Variants in ZNF385D observed in about 807,000 individuals in gnomAD.
ZNF385D encodes the protein zinc finger protein 659.
A neutral mutation model predicts 35.8 loss-of-function variants in ZNF385D; 15 were observed. The ratio of observed to expected loss-of-function variants is 0.42; its 90% confidence interval spans 0.28 to 0.64. The LOEUF (loss-of-function observed/expected upper bound fraction) is 0.64, where lower values mean the gene tolerates loss of function less well. Ranked by LOEUF, ZNF385D falls within the 30% of genes least tolerant of loss-of-function variation. The pLI is 0.23. For synonymous variants in ZNF385D, 212 were observed against 186.8 expected, an observed-to-expected ratio of 1.13 and a Z score of -1.10; for missense variants, 474 against 494.6, an observed-to-expected ratio of 0.96 and a Z score of 0.39.
chr3:21,949,046 G>A (rs528846500), intron 3 of ZNF385D, among the ~76,000 whole-genome samples: 8 of 152,012 alleles, frequency 5.3e-5, no homozygotes, highest in African/African-American at 1.9e-4. Context: ...TACCATTTGT[G>A]CTCTTTAACT....
intron 3 of ZNF385D, among the ~76,000 whole-genome samples, chr3:21,882,561 T>C (rs1698336312): frequency 6.6e-6 from 1 of 152,028 alleles, no homozygotes; most frequent in African/African-American, 2.4e-5. Flanking sequence ...TTGTGGTTGT[T>C]TGGAACTTGA....
At chr3:21,709,690 G>T (rs2068032346) in intron 1 of ZNF385D, among the ~76,000 whole-genome samples, 1 of 152,052 alleles carries the variant, frequency 6.6e-6, no homozygotes, top group Admixed American at 6.5e-5. Flanking sequence ...TAAGAGGGAC[G>T]CCTCTATATG....
At chr3:22,182,240 G>A (rs901542767) in intron 2 of ZNF385D, among the ~76,000 whole-genome samples, 1 of 152,054 alleles carries the variant, frequency 6.6e-6, no homozygotes, top group African/African-American at 2.4e-5. Context: ...AAATTAGAAA[G>A]TAACCCAAAT....
chr3:22,262,868 T>C (rs1357775496), intron 2 of ZNF385D, among the ~76,000 whole-genome samples: 1 of 151,906 alleles, frequency 6.6e-6, no homozygotes, highest in Non-Finnish European at 1.5e-5. Context: ...AGCCTGCTTC[T>C]CCCCAGATCT....
chr3:21,606,617 A>T (rs1365520369), intron 2 of ZNF385D, among the ~76,000 whole-genome samples: 1 of 152,224 alleles, frequency 6.6e-6, no homozygotes, highest in African/African-American at 2.4e-5. Flanking sequence ...CTCCCAGAAC[A>T]GATGACCTGT....
chr3:21,785,843 A>G (rs1208792506), intron 3 of ZNF385D, among the ~76,000 whole-genome samples: 3 of 152,184 alleles, frequency 2.0e-5, no homozygotes, highest in African/African-American at 2.4e-5. Flanking sequence ...CTATTTGACT[A>G]ACTGTACTGA....
intron 2 of ZNF385D, among the ~76,000 whole-genome samples, chr3:21,583,650 T>G (rs1158265763): frequency 6.6e-6 from 1 of 151,978 alleles, no homozygotes; most frequent in Non-Finnish European, 1.5e-5. Flanking sequence ...TCTGTCACAT[T>G]TTTTGTCTTT....
chr3:22,071,807 G>C (rs1576265847), intron 3 of ZNF385D, among the ~76,000 whole-genome samples: 1 of 152,182 alleles, frequency 6.6e-6, no homozygotes, highest in Non-Finnish European at 1.5e-5. Flanking sequence ...TGGCCATGCA[G>C]TTAAGTGCCT....
At chr3:22,206,962 A>G (rs1697198413) in intron 2 of ZNF385D, among the ~76,000 whole-genome samples, 1 of 151,886 alleles carries the variant, frequency 6.6e-6, no homozygotes, top group Admixed American at 6.6e-5. Flanking sequence ...AGACTACAAA[A>G]TGAAAAGTTT....
At position 21,575,114 on chromosome 3, in the gene ZNF385D, C is replaced by A. The variant is rs553003064; in HGVS notation, c.166-10430G>T. ...ATTTATCATTATTTTCTTTTGAGTTCTTTACAGATACGTAAAAATGCCAAT... is the reference window on the plus strand; with the variant it reads ...ATTTATCATTATTTTCTTTTGAGTTATTTACAGATACGTAAAAATGCCAAT... On this transcript the variant is annotated intron_variant, in intron 2 of 7. Transcript: ENST00000281523. Among the ~76,000 whole-genome samples, 5 of 152,210 alleles carry A rather than the reference C, an allele frequency of 3.3e-5. No homozygotes were observed. In the South Asian group the frequency reaches 8.3e-4, roughly 25 times the overall value.
intron 4 of ZNF385D, among the ~76,000 whole-genome samples, chr3:21,495,864 A>G (rs576586268): frequency 1.3e-5 from 2 of 152,270 alleles, no homozygotes; most frequent in East Asian, 3.9e-4. Flanking sequence ...GATAAACGAG[A>G]TATGACTACT....
chr3:21,923,785 C>T (rs769935465), intron 3 of ZNF385D, among the ~76,000 whole-genome samples: 11 of 152,024 alleles, frequency 7.2e-5, no homozygotes, highest in Non-Finnish European at 1.5e-4. Context: ...AAGTTCTCAC[C>T]TATAAGTGGA....
chr3:21,703,657 C>A (rs917688092), intron 1 of ZNF385D, among the ~76,000 whole-genome samples: 6 of 95,152 alleles, frequency 6.3e-5, no homozygotes, highest in South Asian at 3.5e-4. Flanking sequence ...TGCTCTTTAT[C>A]CTCTTACAAA....
At chr3:21,498,612 T>C (rs1317435413) in intron 4 of ZNF385D, among the ~76,000 whole-genome samples, 6 of 151,912 alleles carry the variant, frequency 3.9e-5, no homozygotes, top group Admixed American at 6.6e-5. Flanking sequence ...ATGCTCAACA[T>C]CACTAATCAT....
At chr3:21,813,290 TCTC>T (rs961916328) in intron 3 of ZNF385D, among the ~76,000 whole-genome samples, 11 of 152,130 alleles carry the variant, frequency 7.2e-5, no homozygotes, top group African/African-American at 2.4e-4. Context: ...GAGCACCTCT[TCTC>T]CTCTAAAGGA....
intron 3 of ZNF385D, among the ~76,000 whole-genome samples, chr3:21,925,491 A>G (rs1700680741): frequency 6.6e-6 from 1 of 152,218 alleles, no homozygotes; most frequent in African/African-American, 2.4e-5. Context: ...ATGGATTTAA[A>G]TGCATAATTC....
chr3:21,620,332 T>C (rs1000226478), intron 2 of ZNF385D, among the ~76,000 whole-genome samples: 4 of 143,248 alleles, frequency 2.8e-5, no homozygotes, highest in Non-Finnish European at 6.2e-5. Flanking sequence ...TATGGAAGAG[T>C]CCTAAAAAGA....
rs890977513 is a variant in ZNF385D at position 22,047,715 on chromosome 3, C to T, written c.325+121102G>A. ...TGTTTCTTCAATGAACATGGGAGTG[C>T]AGTTATCTATTTGACATACTGATTT... On this transcript the variant is annotated intron_variant, in intron 3 of 5. Transcript: ENST00000494108. Among the ~76,000 whole-genome samples the T allele has an allele frequency of 3.9e-5, 6 of 152,148 alleles. No individual in the cohort carries two copies. The East Asian group carries it at 9.7e-4, about 24-fold the overall frequency.
At chr3:22,038,815 T>C (rs1415504041) in intron 3 of ZNF385D, among the ~76,000 whole-genome samples, 2 of 151,506 alleles carry the variant, frequency 1.3e-5, no homozygotes, top group South Asian at 2.1e-4. Flanking sequence ...ATTTTTAAAA[T>C]GTGCACTGAA....
Sources: allele counts gnomAD v4.1 joint callset (sites outside exome capture counted in the v4.1 genomes callset), GRCh38; gene constraint gnomAD v4.1.1; transcripts MANE v1.5; gene names NCBI Gene and HGNC (gene_info 2026-07-23, HGNC 2026-07-21).